SLC7A6: variants seen among roughly 807,000 people sequenced by gnomAD.
The protein encoded by SLC7A6 is Y+L amino acid transporter 2.
In SLC7A6, 29 loss-of-function variants were observed where a neutral mutation model predicts 46.6. That is an observed-to-expected ratio of 0.62 (90% CI 0.46 to 0.85). The LOEUF (loss-of-function observed/expected upper bound fraction) is 0.85. Among genes scored for constraint, SLC7A6 ranks in the 40% least tolerant of loss-of-function variants. SLC7A6 has a pLI of 0.00. For missense variants in SLC7A6, 527 were observed against 647.6 expected (o/e 0.81, Z 2.02); for synonymous variants, 276 against 257.3 (o/e 1.07, Z -0.70).
chr16:68,290,294 A>C, intron 4 of SLC7A6, 102 bp from the exon 5 acceptor site: 3 of 1,162,830 alleles, frequency 2.6e-6, no homozygotes, highest in Non-Finnish European at 3.5e-6. Context: ...CCTCTTTCCT[A>C]TTCTCCTTTC....
chr16:68,296,310 C>T, intron 8 of SLC7A6, 54 bp from the exon 9 acceptor site: 2 of 1,607,716 alleles, frequency 1.2e-6, no homozygotes, highest in East Asian at 4.5e-5. Context: ...GGGGAGTCTC[C>T]TGGGGGCGCA....
Position 68,297,487 on chromosome 16 carries a change from G to C in SLC7A6, c.*159G>C, listed in dbSNP as rs913961087. The C allele has an allele frequency of 5.7e-5, 30 of 523,922 alleles. 1 individual carries two copies. Among genetic ancestry groups the C allele is most frequent in the Non-Finnish European group, 9.4e-5 (29 of 306,896 alleles). The allele number at this position is 523,922 out of a possible 1,614,324, so 32.5% of individuals were successfully genotyped here. On this transcript the variant is annotated 3_prime_UTR_variant, in exon 11 of 11. Coordinates refer to ENST00000219343, the MANE Select transcript of SLC7A6 (RefSeq NM_003983.6). Reference sequence around the variant, plus strand: ...TGCTCACTCTTATTGGTAAGCTATAGGAGACTCAGGATCTGGGCCAACCTC... The same window carrying C: ...TGCTCACTCTTATTGGTAAGCTATACGAGACTCAGGATCTGGGCCAACCTC...
intron 3 of SLC7A6, among the ~76,000 whole-genome samples, chr16:68,283,539 T>C (rs953304927): frequency 1.3e-5 from 2 of 152,220 alleles, no homozygotes; most frequent in African/African-American, 4.8e-5. Flanking sequence ...GTCAGCTTTA[T>C]TTTGGACAGC....
chr16:68,300,512 G>T lies in SLC7A6; in HGVS notation c.*3184G>T. On this transcript the variant is annotated 3_prime_UTR_variant, in exon 11 of 11. Coordinates refer to ENST00000219343, the MANE Select transcript of SLC7A6 (RefSeq NM_003983.6). Reference sequence around the variant, plus strand: ...GAAGGTACTTTGTTTTTCCTCCCTTGCCTTAAGTCCTTGGTATTTATAATC... The same window carrying T: ...GAAGGTACTTTGTTTTTCCTCCCTTTCCTTAAGTCCTTGGTATTTATAATC... 1.5e-6 allele frequency: 1 copy of T among 680,832 alleles called. No individual in the cohort carries two copies. Among genetic ancestry groups the T allele is most frequent in the Non-Finnish European group, 1.8e-6 (1 of 551,780 alleles). The allele number at this position is 680,832 out of a possible 1,614,324, so 42.2% of individuals were successfully genotyped here.
intron 4 of SLC7A6, among the ~76,000 whole-genome samples, chr16:68,289,162 G>T (rs2042997568): frequency 6.6e-6 from 1 of 151,764 alleles, no homozygotes; most frequent in Non-Finnish European, 1.5e-5. Context: ...GGGTGGTGGT[G>T]GGTGCCTCTA....
Position 68,297,492 on chromosome 16 carries a change from C to T in SLC7A6, c.*164C>T, listed in dbSNP as rs2056914305. The T allele has an allele frequency of 6.2e-6, 3 of 480,454 alleles. No individual in the cohort carries two copies. Among genetic ancestry groups the T allele is most frequent in the African/African-American group, 4.1e-5 (2 of 49,218 alleles). 29.8% of individuals were successfully genotyped at this position (480,454 alleles called of 1,614,324 possible). A position where few individuals can be genotyped will look rare whatever the true frequency, so the allele number is the denominator to read the frequency against. On this transcript the variant is annotated 3_prime_UTR_variant, in exon 11 of 11. Coordinates refer to ENST00000219343, the MANE Select transcript of SLC7A6 (RefSeq NM_003983.6). ...ACTCTTATTGGTAAGCTATAGGAGA[C>T]TCAGGATCTGGGCCAACCTCAAGGT...
Position 68,291,237 on chromosome 16 carries a change from A to G in SLC7A6, c.823A>G (p.Met275Val), listed in dbSNP as rs763737153. ...RNLPLAIGIS[M>V]PIVTLIYILT... ...TTTGCCCTTGGCCATTGGGATTTCTATGCCAATTGTGACGCTCATCTACAT... is the reference window on the plus strand; with the variant it reads ...TTTGCCCTTGGCCATTGGGATTTCTGTGCCAATTGTGACGCTCATCTACAT... Residue 275 changes from methionine (M) to valine (V), a missense_variant, in exon 6 of 11, where the codon ATG becomes GTG. Met to Val is a conservative substitution (Grantham distance 21). Transcript: ENST00000219343. 1.9e-6 allele frequency: 3 copies of G among 1,614,232 alleles called. No homozygotes were observed. Among genetic ancestry groups the G allele is most frequent in the Non-Finnish European group, 2.5e-6 (3 of 1,180,034 alleles).
rs542191772 is a variant in SLC7A6 at position 68,300,454 on chromosome 16, G to C, written c.*3126G>C. ...TTGTTTTTGTGGTGGGTGCTGTGAA[G>C]AGTAAACATTACTCAGTGGAAAGCT... is the stretch of plus-strand genomic sequence containing the variant. On this transcript the variant is annotated 3_prime_UTR_variant, in exon 11 of 11. Transcript: ENST00000219343. 1 of 206,524 alleles carries C rather than the reference G, an allele frequency of 4.8e-6. No individual in the cohort carries two copies. Among genetic ancestry groups the C allele is most frequent in the Admixed American group, 6.5e-5 (1 of 15,352 alleles). 12.8% of individuals were successfully genotyped at this position (206,524 alleles called of 1,614,324 possible). A position where few individuals can be genotyped will look rare whatever the true frequency, so the allele number is the denominator to read the frequency against.
Position 68,297,427 on chromosome 16 carries a change from T to C in SLC7A6, c.*99T>C. On this transcript the variant is annotated 3_prime_UTR_variant, in exon 11 of 11. Coordinates refer to ENST00000219343, the MANE Select transcript of SLC7A6 (RefSeq NM_003983.6). ...CCAACTCTCCTGAATTAAAGGAGCC[T>C]TTTGACCCAATCATATAGTGGGGCT... is the stretch of plus-strand genomic sequence containing the variant. 1.0e-6 allele frequency: 1 copy of C among 988,778 alleles called. No individual in the cohort carries two copies. The allele number at this position is 988,778 out of a possible 1,614,324, so 61.3% of individuals were successfully genotyped here.
chr16:68,294,753 C>T lies in SLC7A6; in HGVS notation c.1071C>T (p.Ser357=). ...AGGGCCACCTACCGGACCTTCTGTC[C>T]ATGATCCACATTGAGCGTTTTACAC... is the stretch of plus-strand genomic sequence containing the variant. ...SREGHLPDLL[S]MIHIERFTPI... The change falls in exon 8 of 11, where the codon TCC becomes TCT. Residue 357 remains serine (S), a synonymous_variant. Transcript: ENST00000219343. 1 of 1,614,070 alleles carries T rather than the reference C, an allele frequency of 6.2e-7. No individual in the cohort carries two copies. The highest frequency in any genetic ancestry group is 1.1e-5 in the South Asian group (1 of 91,086).
chr16:68,293,337 T>C (rs1010301902), intron 7 of SLC7A6, among the ~76,000 whole-genome samples: 3 of 152,158 alleles, frequency 2.0e-5, no homozygotes, highest in African/African-American at 4.8e-5. Context: ...GGCAGGAGAA[T>C]TGCCTGAACC....
chr16:68,284,690 T>G (rs1196901624), intron 3 of SLC7A6: 1 of 981,850 alleles, frequency 1.0e-6, no homozygotes, highest in Non-Finnish European at 1.2e-6. Flanking sequence ...TCTCTTCCCC[T>G]TGGAGCTGCA....
intron 4 of SLC7A6, chr16:68,290,036 G>C: frequency 5.1e-6 from 1 of 194,406 alleles, no homozygotes; most frequent in Non-Finnish European, 1.1e-5. Context: ...GCAGGAAATG[G>C]AAATTCTTTA....
rs536497387 is a variant in SLC7A6, at chr16:68,299,142, C to T, written c.*1814C>T. 6.5e-5 allele frequency: 10 copies of T among 152,768 alleles called. No homozygotes were observed. In the South Asian group the frequency reaches 2.1e-3, roughly 32 times the overall value. The allele number at this position is 152,768 out of a possible 1,614,324, so 9.5% of individuals were successfully genotyped here. A position where few individuals can be genotyped will look rare whatever the true frequency, so the allele number is the denominator to read the frequency against. ...ACAGGGTGTCTTATGCAAAGGCTGA[C>T]TTGCCTGAACGCTAAGAACATGACT... On this transcript the variant is annotated 3_prime_UTR_variant, in exon 11 of 11. Transcript: ENST00000219343.
intron 5 of SLC7A6, 105 bp downstream of exon 5, chr16:68,290,645 C>T (rs577694571): frequency 2.3e-6 from 3 of 1,323,080 alleles, no homozygotes; most frequent in East Asian, 4.6e-5. Flanking sequence ...CTCTCCTCCC[C>T]TCTTCTCCCT....
At chr16:68,265,070 A>G (rs997661573) in intron 1 of SLC7A6, among the ~76,000 whole-genome samples, 1 of 152,192 alleles carries the variant, frequency 6.6e-6, no homozygotes, top group Non-Finnish European at 1.5e-5. Flanking sequence ...GGGCAAAGAA[A>G]GACGCGGGCT....
chr16:68,288,015 C>A, intron 4 of SLC7A6, 144 bp downstream of exon 4: 5 of 1,279,082 alleles, frequency 3.9e-6, no homozygotes, highest in East Asian at 2.7e-5. Context: ...GAGTAGATTT[C>A]TTTCTGGGCT....
intron 2 of SLC7A6, chr16:68,273,775 A>AT (rs34895137): frequency 0.57 from 81,274 of 142,940 alleles, 23,168 homozygotes; most frequent in East Asian, 0.8. Flanking sequence ...CCAGGCATGT[A>AT]TTTTTTTTTT....
chr16:68,287,611 T>G (rs572522038), intron 3 of SLC7A6, 135 bp from the exon 4 acceptor site: 2 of 1,515,704 alleles, frequency 1.3e-6, no homozygotes, highest in South Asian at 1.3e-5. Flanking sequence ...GCTTGCCAGT[T>G]CGCCTTGTTC....
Sources: gnomAD v4.1 joint callset for allele counts (sites outside exome capture counted in the v4.1 genomes callset) on GRCh38, gnomAD v4.1.1 for gene constraint, MANE v1.5 for transcripts, NCBI Gene and HGNC (gene_info 2026-07-23, HGNC 2026-07-21) for gene names.